The following RPH3AL variants were observed in gnomAD, a reference collection of about 807,000 sequenced individuals.
The protein encoded by RPH3AL is rab effector Noc2.
In RPH3AL, 38 loss-of-function variants were observed where a neutral mutation model predicts 43.1. The observed-to-expected ratio is 0.88, with a 90% CI of 0.68 to 1.15. The LOEUF is 1.15. Among genes scored for constraint, RPH3AL ranks in the 50% most tolerant of loss-of-function variants. The pLI is 0.00. For missense variants in RPH3AL, 462 were observed against 423.2 expected, an observed-to-expected ratio of 1.09 and a Z score of -0.81; for synonymous variants, 189 against 176.3, an observed-to-expected ratio of 1.07 and a Z score of -0.57.
intron 1 of RPH3AL, among the ~76,000 whole-genome samples, chr17:348,062 T>C (rs2045276305): frequency 6.8e-6 from 1 of 146,702 alleles, no homozygotes; most frequent in Non-Finnish European, 1.5e-5. Flanking sequence ...GCACCCTGCC[T>C]ATGGGGCAAC....
At chr17:347,349 A>G (rs553444969) in intron 1 of RPH3AL, among the ~76,000 whole-genome samples, 105 of 152,356 alleles carry the variant, frequency 6.9e-4, no homozygotes, top group African/African-American at 2.5e-3. Flanking sequence ...AAAATTTTCA[A>G]CAGGGAACCC....
intron 5 of RPH3AL, among the ~76,000 whole-genome samples, chr17:316,635 C>G (rs201324657): frequency 1.4e-5 from 2 of 146,702 alleles, no homozygotes; most frequent in African/African-American, 2.6e-5. Context: ...TGTACTCCAC[C>G]TCCATTGACC....
At chr17:275,393 C>G (rs925583628) in intron 6 of RPH3AL, among the ~76,000 whole-genome samples, 1 of 151,868 alleles carries the variant, frequency 6.6e-6, no homozygotes, top group African/African-American at 2.4e-5. Flanking sequence ...ATCACAATGT[C>G]GAATAAAGAA....
intron 8 of RPH3AL, among the ~76,000 whole-genome samples, chr17:216,270 C>T (rs12944237): frequency 2.0e-5 from 3 of 151,414 alleles, no homozygotes; most frequent in Admixed American, 6.6e-5. Flanking sequence ...GGCTCTGGCC[C>T]GACCCCACCC....
intron 6 of RPH3AL, among the ~76,000 whole-genome samples, chr17:259,793 A>G (rs1436455317): frequency 1.3e-5 from 2 of 152,234 alleles, no homozygotes; most frequent in African/African-American, 2.4e-5. Flanking sequence ...CCAGGTTTGC[A>G]TTACGGTTTC....
At chr17:229,935 G>T (rs1184687311) in intron 7 of RPH3AL, among the ~76,000 whole-genome samples, 3 of 152,164 alleles carry the variant, frequency 2.0e-5, no homozygotes, top group African/African-American at 7.2e-5. Flanking sequence ...CTCCCTCAGG[G>T]ACCCTGGAGC....
chr17:345,927 C>G lies in RPH3AL; in HGVS notation c.-213+6785G>C, dbSNP rs1456691474. Among the ~76,000 whole-genome samples, 4 of 135,268 alleles carry G rather than the reference C, an allele frequency of 3.0e-5. 1 individual carries two copies. The highest frequency in any genetic ancestry group is 6.7e-5 in the Non-Finnish European group (4 of 59,284). The allele number at this position is 135,268 out of a possible 152,430, so 88.7% of individuals were successfully genotyped here. On this transcript the variant is annotated intron_variant, in intron 1 of 9. Coordinates refer to ENST00000331302, the MANE Select transcript of RPH3AL (RefSeq NM_006987.4). ...AGGACAAATGGGATGCCAGTGGGCT[C>G]TGAGTCTCGAAGACCAGGACATAAG...
chr17:286,941 TCTCTCTCCACCGTCAGACCTCGCACC>T (rs2042931137), intron 5 of RPH3AL, among the ~76,000 whole-genome samples: 2 of 23,330 alleles, frequency 8.6e-5, no homozygotes, highest in Admixed American at 4.6e-4. Context: ...CCTCGCACCC[TCTCTCTCCACCGTCAGACCTCGCACC>T]CTCTCTCCAC....
intron 5 of RPH3AL, among the ~76,000 whole-genome samples, chr17:285,042 G>A (rs544711527): frequency 1.3e-5 from 2 of 152,136 alleles, no homozygotes; most frequent in Non-Finnish European, 2.9e-5. Flanking sequence ...TCTGCGTGAC[G>A]GCTTCAACGT....
rs916824962 is a variant in RPH3AL, at chr17:245,591, A to C, written c.613+1520T>G. Among the ~76,000 whole-genome samples, 1 of 152,082 alleles carries C rather than the reference A, an allele frequency of 6.6e-6. No individual in the cohort carries two copies. Among genetic ancestry groups the C allele is most frequent in the Non-Finnish European group, 1.5e-5 (1 of 68,016 alleles). On this transcript the variant is annotated intron_variant, in intron 7 of 9. Transcript: ENST00000331302. This position sits in a 1 kb window ranked among gnomAD's most constrained non-coding sequence, Gnocchi z 5.9. ...CAGCCTCTCCGGCTCAACTGGCTCC[A>C]AGCAGCATTTTAAACCCACAGGTGT...
chr17:262,361 ACCC>A (rs1567594920), intron 6 of RPH3AL, among the ~76,000 whole-genome samples: 13 of 151,932 alleles, frequency 8.6e-5, no homozygotes, highest in African/African-American at 2.9e-4. Context: ...GATTACAGGC[ACCC>A]GCCACCAGGC....
At chr17:293,735 A>C (rs992184041) in intron 5 of RPH3AL, among the ~76,000 whole-genome samples, 5 of 151,886 alleles carry the variant, frequency 3.3e-5, no homozygotes, top group African/African-American at 1.2e-4. Context: ...GTTTTTAAAA[A>C]CCAGCAAATC....
At position 235,870 on chromosome 17, in the gene RPH3AL, G is replaced by T. The variant is rs113861298; in HGVS notation, c.613+11241C>A. 2.8e-5 allele frequency among the ~76,000 whole-genome samples: 4 copies of T among 142,652 alleles called. No homozygotes were observed. The East Asian group carries it at 8.3e-4, about 30-fold the overall frequency. The allele number at this position is 142,652 out of a possible 152,430, so 93.6% of individuals were successfully genotyped here. On this transcript the variant is annotated intron_variant, in intron 7 of 9. Transcript: ENST00000331302. ...AGGTCCCGGGTTCAAAGCTGGGGTC[G>T]GCCGAGGCTCTGCAGTAACAAGAGG...
At position 321,433 on chromosome 17, in the gene RPH3AL, C is replaced by G. The variant is rs550483847; in HGVS notation, c.78-18G>C. Reference sequence around the variant, plus strand: ...TCTGCAGCCTCGAGAGGGAACAGCACAGACGGCGTGGAGGCCTCCCCGGTG... The same window carrying G: ...TCTGCAGCCTCGAGAGGGAACAGCAGAGACGGCGTGGAGGCCTCCCCGGTG... On this transcript the variant is annotated intron_variant, in intron 3 of 9. Transcript: ENST00000331302. 2 of 1,577,216 alleles carry G rather than the reference C, an allele frequency of 1.3e-6. No homozygotes were observed. Among genetic ancestry groups the G allele is most frequent in the Non-Finnish European group, 8.6e-7 (1 of 1,161,466 alleles).
At chr17:292,042 G>A (rs1179157150) in intron 5 of RPH3AL, among the ~76,000 whole-genome samples, 1 of 152,212 alleles carries the variant, frequency 6.6e-6, no homozygotes, top group Non-Finnish European at 1.5e-5. Context: ...GACCAGGTCT[G>A]GATTTTTGCA....
intron 7 of RPH3AL, among the ~76,000 whole-genome samples, chr17:241,566 G>A (rs919163640): frequency 1.3e-5 from 2 of 152,010 alleles, no homozygotes; most frequent in Non-Finnish European, 1.5e-5. Flanking sequence ...AGTGAAAAAA[G>A]CACCATGCAG....
intron 6 of RPH3AL, among the ~76,000 whole-genome samples, chr17:273,128 G>A (rs377662763): frequency 2.1e-3 from 50 of 24,332 alleles, no homozygotes; most frequent in African/African-American, 3.6e-3. Context: ...CGAGGGTGAC[G>A]TCAGGGAGAG....
intron 5 of RPH3AL, among the ~76,000 whole-genome samples, chr17:301,168 C>T (rs1346772421): frequency 2.0e-5 from 3 of 152,254 alleles, no homozygotes; most frequent in Non-Finnish European, 4.4e-5. Flanking sequence ...TCCCCAGCAT[C>T]GTGGGCACGT....
chr17:299,526 C>T (rs2043268641), intron 5 of RPH3AL, among the ~76,000 whole-genome samples: 1 of 152,204 alleles, frequency 6.6e-6, no homozygotes, highest in South Asian at 2.1e-4. Context: ...AGCAGAAGAG[C>T]TGCCCCCCGT....
Sources: gnomAD v4.1 joint callset for allele counts (sites outside exome capture counted in the v4.1 genomes callset) on GRCh38, gnomAD v4.1.1 for gene constraint, Gnocchi (gnomAD v3.1) non-coding constraint, MANE v1.5 for transcripts, NCBI Gene and HGNC (gene_info 2026-07-23, HGNC 2026-07-21) for gene names.